The following PRUNE2 variants were observed in gnomAD, a reference collection of about 807,000 sequenced individuals.
The protein encoded by PRUNE2 is protein prune homolog 2.
A neutral mutation model predicts 252.0 loss-of-function variants in PRUNE2; 164 were observed. The observed-to-expected ratio is 0.65, with a 90% CI of 0.57 to 0.74. The LOEUF is 0.74. Ranked by LOEUF, PRUNE2 falls within the 30% of genes least tolerant of loss-of-function variation. PRUNE2 has a pLI of 0.00. For missense variants in PRUNE2, 3,495 were observed against 3,711.0 expected (o/e 0.94, Z 1.51); for synonymous variants, 1,292 against 1,350.2 (o/e 0.96, Z 0.94).
chr9:76,630,262 G>T (rs186768065), intron 15 of PRUNE2, among the ~76,000 whole-genome samples: 1,537 of 134,428 alleles, frequency 0.011, 24 homozygotes, highest in African/African-American at 0.038. Context: ...AAAAATTTTT[G>T]TTTTTTTTTT....
At chr9:76,820,137 A>G (rs2057951626) in intron 6 of PRUNE2, among the ~76,000 whole-genome samples, 1 of 152,156 alleles carries the variant, frequency 6.6e-6, no homozygotes, top group South Asian at 2.1e-4. Context: ...ATCTTTTCCC[A>G]CAGTCCCCTT....
chr9:76,780,234 A>G (rs1173266278), intron 6 of PRUNE2, among the ~76,000 whole-genome samples: 1 of 152,196 alleles, frequency 6.6e-6, no homozygotes, highest in African/African-American at 2.4e-5. Context: ...TTTGATTATC[A>G]GCCAGTAAAC....
intron 6 of PRUNE2, among the ~76,000 whole-genome samples, chr9:76,750,639 T>G (rs1314897263): frequency 6.6e-6 from 1 of 152,210 alleles, no homozygotes; most frequent in African/African-American, 2.4e-5. Context: ...GTCCCTCATT[T>G]GCACAAGAGT....
chr9:76,720,070 A>G (rs1483267896), intron 6 of PRUNE2, among the ~76,000 whole-genome samples: 1 of 152,252 alleles, frequency 6.6e-6, no homozygotes, highest in African/African-American at 2.4e-5. Flanking sequence ...CACTAGAGCA[A>G]TGGTTAAGTA....
At chr9:76,775,236 A>C (rs146217345) in intron 6 of PRUNE2, among the ~76,000 whole-genome samples, 24 of 152,370 alleles carry the variant, frequency 1.6e-4, no homozygotes, top group Non-Finnish European at 2.5e-4. Flanking sequence ...GAAAACATCC[A>C]GCTAGAATGC....
intron 15 of PRUNE2, among the ~76,000 whole-genome samples, chr9:76,630,638 C>G (rs1309266395): frequency 1.3e-5 from 2 of 152,208 alleles, no homozygotes; most frequent in Admixed American, 6.5e-5. Flanking sequence ...TATTCTCCTG[C>G]CTCAGCCTCC....
At chr9:76,798,716 C>A (rs766157193) in intron 6 of PRUNE2, among the ~76,000 whole-genome samples, 8 of 152,142 alleles carry the variant, frequency 5.3e-5, no homozygotes, top group Non-Finnish European at 1.0e-4. Flanking sequence ...ACCACATAAA[C>A]CACAAGCCTC....
Position 76,624,475 on chromosome 9 carries a change from C to T in PRUNE2, c.9165G>A (p.Leu3055=), listed in dbSNP as rs568557630. ...PESIIKLDEE[L]REASEAAKTS... ...ACTTAGCTGCCTCTGATGCTTCCCT[C>T]AGTTCTTCATCCAGTCTGCAGGAGC... The change falls in exon 17 of 19, where the codon CTG becomes CTA. Residue 3055 remains leucine (L), a synonymous_variant. Transcript: ENST00000376718. 1.4e-6 allele frequency: 2 copies of T among 1,433,304 alleles called. No individual in the cohort carries two copies. Among genetic ancestry groups the T allele is most frequent in the South Asian group, 1.7e-5 (1 of 59,492 alleles). 88.8% of individuals were successfully genotyped at this position (1,433,304 alleles called of 1,614,324 possible).
intron 9 of PRUNE2, among the ~76,000 whole-genome samples, chr9:76,675,634 T>G (rs2042395201): frequency 6.0e-5 from 7 of 117,022 alleles, no homozygotes; most frequent in Non-Finnish European, 1.3e-4. Flanking sequence ...ATTGCGGCAT[T>G]ATTCACAATA....
chr9:76,622,033 CT>C (rs950916041), intron 17 of PRUNE2, among the ~76,000 whole-genome samples: 6 of 152,086 alleles, frequency 3.9e-5, no homozygotes, highest in Admixed American at 2.0e-4. Context: ...GAATCAGAAA[CT>C]TTGGGGGTGA....
chr9:76,733,792 C>T (rs2048841291), intron 6 of PRUNE2: 1 of 152,106 alleles, frequency 6.6e-6, no homozygotes. Context: ...TTAATTTGCC[C>T]TAATCTTCAC....
chr9:76,720,993 C>G (rs1014555679), intron 6 of PRUNE2, among the ~76,000 whole-genome samples: 1 of 152,112 alleles, frequency 6.6e-6, no homozygotes, highest in Non-Finnish European at 1.5e-5. Flanking sequence ...CCCAGCTACT[C>G]GGAGAGGCTG....
chr9:76,791,299 C>T (rs1168710555), intron 6 of PRUNE2, among the ~76,000 whole-genome samples: 1 of 106,042 alleles, frequency 9.4e-6, no homozygotes, highest in Non-Finnish European at 1.9e-5. Flanking sequence ...TACAATAATA[C>T]TGCACCAATT....
Position 76,614,735 on chromosome 9 carries a change from T to C in PRUNE2, c.9237-135A>G. 7 of 679,398 alleles carry C rather than the reference T, an allele frequency of 1.0e-5. No individual in the cohort carries two copies. The South Asian group carries it at 1.2e-4, about 12-fold the overall frequency. 42.1% of individuals were successfully genotyped at this position (679,398 alleles called of 1,614,324 possible). A position where few individuals can be genotyped will look rare whatever the true frequency, so the allele number is the denominator to read the frequency against. On this transcript the variant is annotated intron_variant, in intron 18 of 18. Coordinates refer to ENST00000376718, the MANE Select transcript of PRUNE2 (RefSeq NM_015225.3). ...ATATTTAAATCATGCAAGTTTCTTA[T>C]AATAGAAAAATCTGGTAAAACCCAA... is the stretch of plus-strand genomic sequence containing the variant.
chr9:76,748,670 T>A (rs1365777521), intron 6 of PRUNE2: 1 of 152,284 alleles, frequency 6.6e-6, no homozygotes, highest in Non-Finnish European at 1.5e-5. Flanking sequence ...CAGAAGCAAT[T>A]TGACTTGGAG....
intron 6 of PRUNE2, among the ~76,000 whole-genome samples, chr9:76,781,922 T>C (rs998013426): frequency 6.6e-6 from 1 of 152,094 alleles, no homozygotes; most frequent in African/African-American, 2.4e-5. Context: ...TAGAAAGCAT[T>C]GGGAAAGCCT....
At chr9:76,626,718 AAAT>A (rs1189803713) in intron 16 of PRUNE2, among the ~76,000 whole-genome samples, 1 of 152,202 alleles carries the variant, frequency 6.6e-6, no homozygotes, top group Non-Finnish European at 1.5e-5. Context: ...GTGTAACAAT[AAAT>A]AAGATTCTGG....
chr9:76,761,085 C>CAAAAAAA, intron 6 of PRUNE2, among the ~76,000 whole-genome samples: 1 of 93,694 alleles, frequency 1.1e-5, no homozygotes, highest in Non-Finnish European at 2.1e-5. Context: ...GACTCTGTCT[C>CAAAAAAA]AAAAAAAAAA....
chr9:76,628,759 G>A (rs1836080799), intron 16 of PRUNE2, among the ~76,000 whole-genome samples: 1 of 152,048 alleles, frequency 6.6e-6, no homozygotes, highest in African/African-American at 2.4e-5. Flanking sequence ...GTATTTATTG[G>A]AGGATATTTA....
Sources: gnomAD v4.1 joint callset for allele counts (sites outside exome capture counted in the v4.1 genomes callset) on GRCh38, gnomAD v4.1.1 for gene constraint, MANE v1.5 for transcripts, NCBI Gene and HGNC (gene_info 2026-07-23, HGNC 2026-07-21) for gene names.